The following AOPEP variants were observed in gnomAD, a reference collection of about 807,000 sequenced individuals.
AOPEP encodes the protein aminopeptidase O.
A neutral mutation model predicts 98.1 loss-of-function variants in AOPEP; 77 were observed. The ratio of observed to expected loss-of-function variants is 0.78; its 90% CI spans 0.65 to 0.95. The LOEUF is 0.95. Ranked by LOEUF, AOPEP falls within the 40% of genes least tolerant of loss-of-function variation. AOPEP has a pLI of 0.00. For missense variants in AOPEP, 1,024 were observed against 1,024.7 expected (o/e 1.00, Z 0.01); for synonymous variants, 346 against 365.3 (o/e 0.95, Z 0.60).
the AOPEP span, among the ~76,000 whole-genome samples, chr9:95,092,293 A>G: frequency 1.3e-5 from 2 of 152,040 alleles, no homozygotes; most frequent in African/African-American, 4.8e-5. Flanking sequence ...GCTGCTGTAA[A>G]GACCAGAGCC....
Position 94,800,830 on chromosome 9 carries a change from A to G in AOPEP, c.1192A>G (p.Ile398Val), listed in dbSNP as rs1457808127. 6.8e-6 allele frequency: 11 copies of G among 1,614,082 alleles called. No individual in the cohort carries two copies. The highest frequency in any genetic ancestry group is 2.2e-5 in the East Asian group (1 of 44,902). ...QNASATTQEI[I>V]PHRVFAPVCL... The stretch of plus-strand genomic sequence containing the variant: ...TGCTTCTGCCACCACCCAGGAGATC[A>G]TTCCTCATCGGGTCTTTGCCCCTGT... Residue 398 changes from isoleucine to valine, a missense_variant, in exon 5 of 17, where the codon ATT becomes GTT. By Grantham distance (29) the Ile-to-Val change is conservative (BLOSUM62 3). Coordinates refer to ENST00000375315, the MANE Select transcript of AOPEP (RefSeq NM_001193329.3).
chr9:95,064,861 A>G (rs2067717031), intron 14 of AOPEP, among the ~76,000 whole-genome samples: 1 of 152,208 alleles, frequency 6.6e-6, no homozygotes, highest in South Asian at 2.1e-4. Context: ...GGAACTTACC[A>G]AAGGGGCAAA....
At chr9:94,792,254 CAA>C (rs1416143000) in intron 3 of AOPEP, among the ~76,000 whole-genome samples, 45 of 152,318 alleles carry the variant, frequency 3.0e-4, no homozygotes, top group Non-Finnish European at 1.2e-4. Flanking sequence ...GATGAAAACC[CAA>C]GTGTCTCCCT....
chr9:95,149,023 T>C, the AOPEP span, among the ~76,000 whole-genome samples: 2 of 151,908 alleles, frequency 1.3e-5, no homozygotes, highest in South Asian at 4.2e-4. Flanking sequence ...AGTCTTAGGG[T>C]AGAAAATGAG....
chr9:94,820,623 G>A (rs10993359), intron 5 of AOPEP, among the ~76,000 whole-genome samples: 2,155 of 152,196 alleles, frequency 0.014, 48 homozygotes, highest in East Asian at 0.089. Context: ...TGAGCACCTG[G>A]TATATTTAAA....
At position 94,747,148 on chromosome 9, in the gene AOPEP, A is replaced by G. The variant is rs532771206; in HGVS notation, c.-135-12501A>G. Among the ~76,000 whole-genome samples, 6 of 152,098 alleles carry G rather than the reference A, an allele frequency of 3.9e-5. No homozygotes were observed. The South Asian group carries it at 1.0e-3, about 26-fold the overall frequency. ...TGCTTCCTGAAAGCAGTAAATTTAG[A>G]GCAAAGAGAGACTGTTTAAAACTTG... On this transcript the variant is annotated intron_variant, in intron 1 of 16. Coordinates refer to ENST00000375315, the MANE Select transcript of AOPEP (RefSeq NM_001193329.3).
chr9:94,993,429 T>TA (rs1452648625), intron 11 of AOPEP, among the ~76,000 whole-genome samples: 4 of 152,242 alleles, frequency 2.6e-5, no homozygotes, highest in East Asian at 3.9e-4. Context: ...TTGCTGCTTT[T>TA]AAAAAAACAA....
chr9:94,980,799 T>C lies in AOPEP; in HGVS notation c.1977+1372T>C, dbSNP rs1207429341. On this transcript the variant is annotated intron_variant, in intron 11 of 16. Coordinates refer to ENST00000375315, the MANE Select transcript of AOPEP (RefSeq NM_001193329.3). This position sits in a 1 kb window ranked among gnomAD's most constrained non-coding sequence, Gnocchi z 4.3. ...TGAGGGCCCGTGAGCTCTGAGACGG[T>C]GACTTCCAAACCAGACTACTCACTG... Among the ~76,000 whole-genome samples, 1 of 152,210 alleles carries C rather than the reference T, an allele frequency of 6.6e-6. No homozygotes were observed. The highest frequency in any genetic ancestry group is 2.4e-5 in the African/African-American group (1 of 41,450).
chr9:94,803,087 A>G (rs781390447), intron 5 of AOPEP, among the ~76,000 whole-genome samples: 2 of 152,182 alleles, frequency 1.3e-5, no homozygotes, highest in Non-Finnish European at 2.9e-5. Context: ...ATGGTTTTGT[A>G]AGTCAACTTC....
intron 13 of AOPEP, among the ~76,000 whole-genome samples, chr9:95,040,910 T>C (rs1363096666): frequency 4.5e-5 from 1 of 22,130 alleles, no homozygotes; most frequent in East Asian, 1.4e-3. Flanking sequence ...GAAAACACGG[T>C]AAACAGTCTC....
the AOPEP span, among the ~76,000 whole-genome samples, chr9:95,141,959 A>ATAGTAATATGT: frequency 6.7e-6 from 1 of 149,926 alleles, no homozygotes; most frequent in Non-Finnish European, 1.5e-5. Context: ...AATAATGGTA[A>ATAGTAATATGT]TAGTAATATG....
chr9:95,141,535 C>T, the AOPEP span, among the ~76,000 whole-genome samples: 1 of 152,096 alleles, frequency 6.6e-6, no homozygotes, highest in African/African-American at 2.4e-5. Flanking sequence ...AAAACATAAA[C>T]CCAACATCTT....
the AOPEP span, chr9:95,106,956 G>C: frequency 5.7e-6 from 6 of 1,058,924 alleles, no homozygotes; most frequent in African/African-American, 9.4e-5. Context: ...TCTGTGCTGG[G>C]CAGCATCCTG....
chr9:94,835,273 C>T (rs757288137), intron 5 of AOPEP, among the ~76,000 whole-genome samples: 22 of 152,198 alleles, frequency 1.4e-4, no homozygotes, highest in Middle Eastern at 3.4e-3. Flanking sequence ...GTAATTTTTT[C>T]CCCAAAACAA....
chr9:94,741,503 C>T (rs1020303665), intron 1 of AOPEP, among the ~76,000 whole-genome samples: 1 of 152,044 alleles, frequency 6.6e-6, no homozygotes, highest in African/African-American at 2.4e-5. Context: ...CATCTCCTGA[C>T]CTCGTCATCT....
chr9:95,009,070 C>G (rs1371546196), intron 13 of AOPEP, among the ~76,000 whole-genome samples: 1 of 152,022 alleles, frequency 6.6e-6, no homozygotes, highest in Non-Finnish European at 1.5e-5. Flanking sequence ...TAACGAAGAA[C>G]AATTAGGATG....
the AOPEP span, among the ~76,000 whole-genome samples, chr9:95,102,629 C>T: frequency 6.6e-6 from 1 of 152,226 alleles, no homozygotes; most frequent in South Asian, 2.1e-4. Flanking sequence ...CCAAGGTCAG[C>T]TTCCTCTGGA....
downstream of AOPEP, among the ~76,000 whole-genome samples, chr9:95,089,530 A>C (rs924708768): frequency 2.6e-5 from 4 of 152,224 alleles, no homozygotes; most frequent in Non-Finnish European, 4.4e-5. Flanking sequence ...CCTCCACGCC[A>C]CAATGCCTCC....
intron 3 of AOPEP, among the ~76,000 whole-genome samples, 172 bp from the exon 4 acceptor site, chr9:94,792,593 G>A (rs537292361): frequency 1.3e-5 from 2 of 152,074 alleles, no homozygotes; most frequent in Non-Finnish European, 2.9e-5. Flanking sequence ...CATCCCTCCT[G>A]TGCTTTCCCT....
Sources: allele counts gnomAD v4.1 joint callset (sites outside exome capture counted in the v4.1 genomes callset), GRCh38; gene constraint gnomAD v4.1.1; non-coding constraint Gnocchi (gnomAD v3.1); transcripts MANE v1.5; gene names NCBI Gene and HGNC (gene_info 2026-07-23, HGNC 2026-07-21).